The following GPR26 variants were observed in gnomAD, a reference collection of about 807,000 sequenced individuals.
The protein encoded by GPR26 is G protein-coupled receptor 26.
A neutral mutation model predicts 23.1 loss-of-function variants in GPR26; 15 were observed. That is an observed-to-expected ratio of 0.65 (90% CI 0.43 to 1.00). The LOEUF (loss-of-function observed/expected upper bound fraction) is 1.00, where lower values mean the gene tolerates loss of function less well. Among genes scored for constraint, GPR26 ranks in the 50% least tolerant of loss-of-function variants. The pLI, the probability that GPR26 is intolerant of heterozygous loss-of-function variation, is 0.00. For missense variants in GPR26, 359 were observed against 470.5 expected, an observed-to-expected ratio of 0.76 and a Z score of 2.19; for synonymous variants, 228 against 222.1, an observed-to-expected ratio of 1.03 and a Z score of -0.24.
rs5788625 is a variant in GPR26, at chr10:123,674,267, GT to G, written c.669-546del. 0.7 allele frequency among the ~76,000 whole-genome samples: 106,010 copies of G among 152,032 alleles called. 37,062 individuals are homozygous for G. The highest frequency in any genetic ancestry group is 0.86 in the East Asian group (4,443 of 5,144). On this transcript the variant is annotated intron_variant, in intron 1 of 2. Coordinates refer to ENST00000284674, the MANE Select transcript of GPR26 (RefSeq NM_153442.4). The surrounding 1 kb of genome is among the most constrained non-coding windows in gnomAD (Gnocchi z 4.1). ...GCCACTGTGCCAGGCCGAGCTCATGGTTTTTCATTGTAAACCAGGGCAGGTA... is the reference window on the plus strand; with the variant it reads ...GCCACTGTGCCAGGCCGAGCTCATGGTTTTCATTGTAAACCAGGGCAGGTA...
chr10:123,691,064 C>T lies in GPR26; in HGVS notation c.*2904C>T, dbSNP rs1479944733. ...TAAATCCACATATAGGGCTGAGTTC[C>T]TAGTCCTACACAATCAGAATTTGCC... On this transcript the variant is annotated 3_prime_UTR_variant, in exon 3 of 3. Coordinates refer to ENST00000284674, the MANE Select transcript of GPR26 (RefSeq NM_153442.4). The T allele has an allele frequency of 6.6e-6, 1 of 152,186 alleles. No individual in the cohort carries two copies. Among genetic ancestry groups the T allele is most frequent in the Admixed American group, 6.5e-5 (1 of 15,284 alleles). 9.4% of individuals were successfully genotyped at this position (152,186 alleles called of 1,614,324 possible).
At position 123,688,637 on chromosome 10, in the gene GPR26, G is replaced by A. The variant is rs563462471; in HGVS notation, c.*477G>A. 115 of 170,074 alleles carry A rather than the reference G, an allele frequency of 6.8e-4. No individual in the cohort carries two copies. Among genetic ancestry groups the A allele is most frequent in the Non-Finnish European group, 1.3e-3 (99 of 78,762 alleles). 10.5% of individuals were successfully genotyped at this position (170,074 alleles called of 1,614,324 possible). Reference sequence around the variant, plus strand: ...TGGCCCGGATCTAACATGGCACCTCGTCTCCACAGGGTAGTGGTGGCTGCT... The same window carrying A: ...TGGCCCGGATCTAACATGGCACCTCATCTCCACAGGGTAGTGGTGGCTGCT... On this transcript the variant is annotated 3_prime_UTR_variant, in exon 3 of 3. Coordinates refer to ENST00000284674, the MANE Select transcript of GPR26 (RefSeq NM_153442.4).
chr10:123,688,791 A>C lies in GPR26; in HGVS notation c.*631A>C, dbSNP rs1845458728. ...TTGCTGCTGACCAGTTGTCTTAGAA[A>C]TGGTCAATTGGATTCAACTTTAGTC... is the stretch of plus-strand genomic sequence containing the variant. On this transcript the variant is annotated 3_prime_UTR_variant, in exon 3 of 3. Transcript: ENST00000284674. The C allele has an allele frequency of 6.5e-6, 1 of 154,476 alleles. No homozygotes were observed. Among genetic ancestry groups the C allele is most frequent in the Non-Finnish European group, 1.4e-5 (1 of 69,598 alleles). The allele number at this position is 154,476 out of a possible 1,614,324, so 9.6% of individuals were successfully genotyped here.
At position 123,686,775 on chromosome 10, in the gene GPR26, T is replaced by C. The variant is rs1458996796; in HGVS notation, c.783-1154T>C. ...TAGAATACAGGTACTAGACCCCCAG[T>C]CAGAGGGGAGTACAGGTGCTGCACC... On this transcript the variant is annotated intron_variant, in intron 2 of 2. Transcript: ENST00000284674. Among the ~76,000 whole-genome samples the C allele has an allele frequency of 5.9e-5, 9 of 152,186 alleles. 1 individual carries two copies. In the South Asian group the frequency reaches 1.4e-3, roughly 25 times the overall value.
intron 2 of GPR26, among the ~76,000 whole-genome samples, chr10:123,682,002 C>T (rs1036604066): frequency 5.3e-5 from 8 of 152,154 alleles, no homozygotes; most frequent in South Asian, 2.1e-4. Flanking sequence ...TAAAGGTCAG[C>T]GTCAGGCCAG....
At chr10:123,687,183 C>T (rs755207046) in intron 2 of GPR26, among the ~76,000 whole-genome samples, 3 of 152,018 alleles carry the variant, frequency 2.0e-5, no homozygotes, top group Non-Finnish European at 2.9e-5. Flanking sequence ...ATCACCTGAC[C>T]GCGGCTATTG....
chr10:123,666,789 G>A lies in GPR26; in HGVS notation c.382G>A (p.Ala128Thr). ...CCTCCGCGACGCGGCGCTCATGGTG[G>A]CCTACACGTGGCTGCACGCGCTCAC... is the stretch of plus-strand genomic sequence containing the variant. ...MRLRDAALMV[A>T]YTWLHALTFP... The change falls in exon 1 of 3, where the codon GCC becomes ACC. Residue 128 changes from alanine to threonine, a missense_variant. Ala to Thr is a moderately conservative substitution (Grantham distance 58, BLOSUM62 0). Transcript: ENST00000284674. The A allele has an allele frequency of 6.2e-7, 1 of 1,606,368 alleles. No homozygotes were observed. Among genetic ancestry groups the A allele is most frequent in the Non-Finnish European group, 8.5e-7 (1 of 1,177,864 alleles).
chr10:123,674,499 A>G lies in GPR26; in HGVS notation c.669-319A>G, dbSNP rs1335800124. The stretch of plus-strand genomic sequence containing the variant: ...GCCGGTGGCTTTGTGTGCTTCACAC[A>G]TGGAATGCATTCCATGCATCTCTGT... On this transcript the variant is annotated intron_variant, in intron 1 of 2. Coordinates refer to ENST00000284674, the MANE Select transcript of GPR26 (RefSeq NM_153442.4). The surrounding 1 kb of genome is among the most constrained non-coding windows in gnomAD (Gnocchi z 4.1). 6.6e-6 allele frequency among the ~76,000 whole-genome samples: 1 copy of G among 152,250 alleles called. No individual in the cohort carries two copies. The highest frequency in any genetic ancestry group is 6.5e-5 in the Admixed American group (1 of 15,286).
chr10:123,675,821 T>TGTGTGTAC (rs1564731076), intron 2 of GPR26, among the ~76,000 whole-genome samples: 6 of 142,410 alleles, frequency 4.2e-5, no homozygotes, highest in Admixed American at 2.1e-4. Flanking sequence ...TGTGTGTACG[T>TGTGTGTAC]GTGTGTGTGT....
intron 2 of GPR26, among the ~76,000 whole-genome samples, chr10:123,686,972 T>C (rs1845436505): frequency 6.6e-6 from 1 of 152,154 alleles, no homozygotes; most frequent in South Asian, 2.1e-4. Flanking sequence ...TGTCCAAATA[T>C]GGCCAAGGGT....
intron 1 of GPR26, among the ~76,000 whole-genome samples, chr10:123,673,767 C>G (rs1845276108): frequency 6.6e-6 from 1 of 152,182 alleles, no homozygotes; most frequent in South Asian, 2.1e-4. Context: ...CCTCATGCCA[C>G]ATACTGTGTG....
At chr10:123,679,599 G>A (rs1035808408) in intron 2 of GPR26, among the ~76,000 whole-genome samples, 1 of 148,698 alleles carries the variant, frequency 6.7e-6, no homozygotes, top group African/African-American at 2.5e-5. Flanking sequence ...ACTGCTGGAG[G>A]AACTGAGGAC....
chr10:123,680,879 GC>G (rs1350764468), intron 2 of GPR26, among the ~76,000 whole-genome samples: 1 of 134,816 alleles, frequency 7.4e-6, no homozygotes, highest in African/African-American at 2.8e-5. Flanking sequence ...TCACTTTGTT[GC>G]CCAGGCTGGA....
At position 123,688,183 on chromosome 10, in the gene GPR26, G is replaced by T; in HGVS notation, c.*23G>T. The stretch of plus-strand genomic sequence containing the variant: ...TGAAGGACCGCGCTCCTGCTGAAGA[G>T]TTTAGAATGAGGCAGCGGTGAGAAG... On this transcript the variant is annotated 3_prime_UTR_variant, in exon 3 of 3. Coordinates refer to ENST00000284674, the MANE Select transcript of GPR26 (RefSeq NM_153442.4). 1 of 658,748 alleles carries T rather than the reference G, an allele frequency of 1.5e-6. No individual in the cohort carries two copies. Among genetic ancestry groups the T allele is most frequent in the Non-Finnish European group, 2.6e-6 (1 of 385,432 alleles). 40.8% of individuals were successfully genotyped at this position (658,748 alleles called of 1,614,324 possible).
intron 1 of GPR26, among the ~76,000 whole-genome samples, chr10:123,668,258 A>G (rs1191202311): frequency 6.6e-6 from 1 of 152,172 alleles, no homozygotes; most frequent in Non-Finnish European, 1.5e-5. Context: ...CCTGCACGAG[A>G]GCAGTAACAA....
In GPR26 at chr10:123,690,667, AG is replaced by A. The variant is rs1348290256; in HGVS notation, c.*2510del. On this transcript the variant is annotated 3_prime_UTR_variant, in exon 3 of 3. Transcript: ENST00000284674. ...ATTTGGACACATGAATTAAATCCCA[AG>A]GGAAAGTGAGAAGAAAATTAATGTA... 6.6e-6 allele frequency: 1 copy of A among 152,234 alleles called. No individual in the cohort carries two copies. Among genetic ancestry groups the A allele is most frequent in the Non-Finnish European group, 1.5e-5 (1 of 68,038 alleles). 9.4% of individuals were successfully genotyped at this position (152,234 alleles called of 1,614,324 possible). A position where few individuals can be genotyped will look rare whatever the true frequency, so the allele number is the denominator to read the frequency against.
intron 2 of GPR26, among the ~76,000 whole-genome samples, chr10:123,687,290 A>G (rs1286759028): frequency 6.6e-6 from 1 of 152,244 alleles, no homozygotes; most frequent in African/African-American, 2.4e-5. Flanking sequence ...AATGTTTTCA[A>G]AATTGTTCTG....
chr10:123,668,382 G>A (rs11596507), intron 1 of GPR26, among the ~76,000 whole-genome samples: 33,014 of 152,138 alleles, frequency 0.22, 3,904 homozygotes, highest in Non-Finnish European at 0.27. Context: ...TCCAGCCACA[G>A]AATCCCCACA....
At position 123,666,573 on chromosome 10, in the gene GPR26, A is replaced by C; in HGVS notation, c.166A>C (p.Thr56Pro). The C allele has an allele frequency of 6.3e-7, 1 of 1,597,326 alleles. No individual in the cohort carries two copies. The highest frequency in any genetic ancestry group is 8.5e-7 in the Non-Finnish European group (1 of 1,174,176). The change falls in exon 1 of 3, where the codon ACC becomes CCC. Residue 56 changes from threonine to proline, a missense_variant. By Grantham distance (38) the Thr-to-Pro change is conservative. Coordinates refer to ENST00000284674, the MANE Select transcript of GPR26 (RefSeq NM_153442.4). The stretch of plus-strand genomic sequence containing the variant: ...CCTCACGTGCGGGAACCTGCTGTGC[A>C]CCGTGGTCAACATGCCGCTCACGCT... ...LNLTCGNLLC[T>P]VVNMPLTLAG... is the part of the protein sequence containing the mutation.
Sources: allele counts gnomAD v4.1 joint callset (sites outside exome capture counted in the v4.1 genomes callset), GRCh38; gene constraint gnomAD v4.1.1; non-coding constraint Gnocchi (gnomAD v3.1); transcripts MANE v1.5; gene names NCBI Gene and HGNC (gene_info 2026-07-23, HGNC 2026-07-21).